Variants in PEX26 observed in about 807,000 individuals in gnomAD.
PEX26 encodes the protein peroxisome assembly protein 26.
In PEX26, 18 loss-of-function variants were observed where a neutral mutation model predicts 31.4. That is an observed-to-expected ratio of 0.57 (90% CI 0.40 to 0.85). The LOEUF is 0.85. PEX26 is among the 40% of genes least tolerant of loss of function. The pLI is 0.00. For synonymous variants in PEX26, 176 were observed against 166.9 expected (o/e 1.05, Z -0.42); for missense variants, 377 against 383.9 (o/e 0.98, Z 0.15).
At chr22:18,079,216 C>T (rs975127516) in intron 1 of PEX26, 39 of 985,188 alleles carry the variant, frequency 4.0e-5, no homozygotes, top group Non-Finnish European at 4.7e-5. Flanking sequence ...AAACCTTGGG[C>T]TTGCATTGCT....
At position 18,085,239 on chromosome 22, in the gene PEX26, G is replaced by A. The variant is rs904472324; in HGVS notation, c.795G>A (p.Leu265=). Residue 265 remains leucine, a synonymous_variant, in exon 4 of 5, where the codon CTG becomes CTA. Coordinates refer to ENST00000399744, the MANE Select transcript of PEX26 (RefSeq NM_001127649.3). ...TGGCTGCCTTGATCCTCTGTCTCCTGGTGGTGAGATTTGATCCAGGTAAGA... is the reference window on the plus strand; with the variant it reads ...TGGCTGCCTTGATCCTCTGTCTCCTAGTGGTGAGATTTGATCCAGGTAAGA... ...SLLAALILCL[L]VVRFDPASPS... is the part of the protein sequence containing the mutation. 1 of 1,614,120 alleles carries A rather than the reference G, an allele frequency of 6.2e-7. No individual in the cohort carries two copies. Among genetic ancestry groups the A allele is most frequent in the African/African-American group, 1.3e-5 (1 of 75,028 alleles).
rs150237708 is a variant in PEX26 at position 18,096,046 on chromosome 22, C to T, written c.*7971C>T. On this transcript the variant is annotated 3_prime_UTR_variant, in exon 5 of 5. Transcript: ENST00000399744. The stretch of plus-strand genomic sequence containing the variant: ...CCATGTTGGCCAGGCTGGTCTTGAA[C>T]TCTTGACCTCAAGTGATCTGCATGC... 20 of 152,358 alleles carry T rather than the reference C, an allele frequency of 1.3e-4. No homozygotes were observed. Among genetic ancestry groups the T allele is most frequent in the African/African-American group, 4.8e-4 (20 of 41,570 alleles). 9.4% of individuals were successfully genotyped at this position (152,358 alleles called of 1,614,324 possible). A position where few individuals can be genotyped will look rare whatever the true frequency, so the allele number is the denominator to read the frequency against.
Position 18,097,603 on chromosome 22 carries a change from T to C in PEX26, c.*9528T>C, listed in dbSNP as rs1474105830. 6.6e-6 allele frequency: 1 copy of C among 152,092 alleles called. No homozygotes were observed. The highest frequency in any genetic ancestry group is 1.5e-5 in the Non-Finnish European group (1 of 68,028). The allele number at this position is 152,092 out of a possible 1,614,324, so 9.4% of individuals were successfully genotyped here. ...AAATTTACTCTTCCAGAGGTAAATTTAATACACCAATACAAAACCAGTATG... is the reference window on the plus strand; with the variant it reads ...AAATTTACTCTTCCAGAGGTAAATTCAATACACCAATACAAAACCAGTATG... On this transcript the variant is annotated 3_prime_UTR_variant, in exon 5 of 5. Coordinates refer to ENST00000399744, the MANE Select transcript of PEX26 (RefSeq NM_001127649.3).
rs781370363 is a variant in PEX26 at position 18,083,558 on chromosome 22, C to A, written c.493C>A (p.Gln165Lys). 2 of 1,613,982 alleles carry A rather than the reference C, an allele frequency of 1.2e-6. No homozygotes were observed. Among genetic ancestry groups the A allele is most frequent in the Admixed American group, 3.3e-5 (2 of 60,000 alleles). ...EYGALAEFHV[Q>K]RVLLPLGCLS... ...TGGAGCCTTGGCAGAATTTCACGTG[C>A]AGCGGGTGCTGCTGCCTCTGGGCTG... Residue 165 changes from glutamine (Q) to lysine (K), a missense_variant, in exon 3 of 5, where the codon CAG (glutamine) becomes AAG (lysine). Coordinates refer to ENST00000399744, the MANE Select transcript of PEX26 (RefSeq NM_001127649.3).
At chr22:18,080,120 A>G in intron 2 of PEX26, 106 bp downstream of exon 2, 1 of 1,261,696 alleles carries the variant, frequency 7.9e-7, no homozygotes, top group Non-Finnish European at 1.1e-6. Flanking sequence ...TGCCCTCCAG[A>G]TCGGATTCTT....
rs1056977779 is a variant in PEX26 at position 18,091,361 on chromosome 22, G to A, written c.*3286G>A. On this transcript the variant is annotated 3_prime_UTR_variant, in exon 5 of 5. Transcript: ENST00000399744. Reference sequence around the variant, plus strand: ...AAAAAAACAATTCTCGGCTGGGCGCGGTGGCGCATGCCTGTAATCCCAGCA... The same window carrying A: ...AAAAAAACAATTCTCGGCTGGGCGCAGTGGCGCATGCCTGTAATCCCAGCA... The A allele has an allele frequency of 2.6e-5, 4 of 152,296 alleles. No individual in the cohort carries two copies. The highest frequency in any genetic ancestry group is 6.5e-5 in the Admixed American group (1 of 15,286). 9.4% of individuals were successfully genotyped at this position (152,296 alleles called of 1,614,324 possible). A position where few individuals can be genotyped will look rare whatever the true frequency, so the allele number is the denominator to read the frequency against.
At chr22:18,079,190 A>G (rs568848312) in intron 1 of PEX26, 2 of 985,086 alleles carry the variant, frequency 2.0e-6, no homozygotes, top group Non-Finnish European at 2.4e-6. Context: ...AGAAAAAGAA[A>G]AGAATCCGGA....
rs1465533170 is a variant in PEX26 at position 18,104,561 on chromosome 22, C to T, written c.*16486C>T. ...AGGTGGTTACCCATCTGTGACAGAG[C>T]CTTGGATGTCACGAGGCCACAGGCT... On this transcript the variant is annotated 3_prime_UTR_variant, in exon 5 of 5. Coordinates refer to ENST00000399744, the MANE Select transcript of PEX26 (RefSeq NM_001127649.3). 6.6e-6 allele frequency: 1 copy of T among 152,080 alleles called. No individual in the cohort carries two copies. The highest frequency in any genetic ancestry group is 1.5e-5 in the Non-Finnish European group (1 of 68,066). The allele number at this position is 152,080 out of a possible 1,614,324, so 9.4% of individuals were successfully genotyped here. A position where few individuals can be genotyped will look rare whatever the true frequency, so the allele number is the denominator to read the frequency against.
chr22:18,081,243 T>TACACACACACAC (rs1221829469), intron 2 of PEX26, among the ~76,000 whole-genome samples: 1,170 of 62,368 alleles, frequency 0.019, 11 homozygotes, highest in East Asian at 0.058. Flanking sequence ...TATGTACACA[T>TACACACACACAC]ATACACACAC....
At chr22:18,083,939 G>A (rs941349168) in intron 3 of PEX26, among the ~76,000 whole-genome samples, 1 of 152,198 alleles carries the variant, frequency 6.6e-6, no homozygotes, top group South Asian at 2.1e-4. Flanking sequence ...ATCTCCACAT[G>A]GGAAGGTGTT....
At position 18,080,996 on chromosome 22, in the gene PEX26, C is replaced by CT. The variant is rs1028377315; in HGVS notation, c.371+996dup. On this transcript the variant is annotated intron_variant, in intron 2 of 4. Coordinates refer to ENST00000399744, the MANE Select transcript of PEX26 (RefSeq NM_001127649.3). ...CTACCGTCTGCTTCTATGATATCAACTTTTTTTTTTTTTTAAAGATTCACA... is the reference window on the plus strand; with the variant it reads ...CTACCGTCTGCTTCTATGATATCAACTTTTTTTTTTTTTTTAAAGATTCACA... Among the ~76,000 whole-genome samples the CT allele has an allele frequency of 6.5e-3, 930 of 143,728 alleles. 4 individuals are homozygous for CT. Among genetic ancestry groups the CT allele is most frequent in the African/African-American group, 0.016 (646 of 39,490 alleles). The allele number at this position is 143,728 out of a possible 152,430, so 94.3% of individuals were successfully genotyped here.
rs398124339 is a variant in PEX26 at position 18,085,113 on chromosome 22, C to A, written c.669C>A (p.Gly223=). 2.5e-6 allele frequency: 4 copies of A among 1,613,944 alleles called. No homozygotes were observed. In the African/African-American group the frequency reaches 4.0e-5, roughly 16 times the overall value. The part of the protein sequence containing the change: ...SEEAQKPNLE[G]SVSHKFLSLP... ...GCTGTGCTCTGTCTCCCTGGCCAGG[C>A]TCTGTCTCCCACAAGTTCCTGTCAC... is the stretch of plus-strand genomic sequence containing the variant. The change falls in exon 4 of 5, where the codon GGC becomes GGA. Residue 223 remains glycine, a splice_region_variant and synonymous_variant. Transcript: ENST00000399744.
intron 3 of PEX26, among the ~76,000 whole-genome samples, chr22:18,084,345 C>T (rs538479686): frequency 2.6e-5 from 4 of 151,660 alleles, no homozygotes; most frequent in South Asian, 2.1e-4. Context: ...CTCAGGTTCA[C>T]GCCATTCTCC....
chr22:18,089,169 C>T lies in PEX26; in HGVS notation c.*1094C>T, dbSNP rs1283375588. ...TGTTTCACCAGGTTCTGCCTGTATC[C>T]TTGCCTCCTTGGTACACACCATTTC... On this transcript the variant is annotated 3_prime_UTR_variant, in exon 5 of 5. Coordinates refer to ENST00000399744, the MANE Select transcript of PEX26 (RefSeq NM_001127649.3). 2 of 153,156 alleles carry T rather than the reference C, an allele frequency of 1.3e-5. No individual in the cohort carries two copies. The highest frequency in any genetic ancestry group is 3.8e-4 in the East Asian group (2 of 5,196). 9.5% of individuals were successfully genotyped at this position (153,156 alleles called of 1,614,324 possible). A position where few individuals can be genotyped will look rare whatever the true frequency, so the allele number is the denominator to read the frequency against.
rs1420186500 is a variant in PEX26, at chr22:18,102,797, G to A, written c.*14722G>A. The A allele has an allele frequency of 6.6e-6, 1 of 152,030 alleles. No homozygotes were observed. The highest frequency in any genetic ancestry group is 1.9e-4 in the East Asian group (1 of 5,190). 9.4% of individuals were successfully genotyped at this position (152,030 alleles called of 1,614,324 possible). On this transcript the variant is annotated 3_prime_UTR_variant, in exon 5 of 5. Coordinates refer to ENST00000399744, the MANE Select transcript of PEX26 (RefSeq NM_001127649.3). ...CAAGTAAATACATTTATTAAAAATA[G>A]GCATGTAGCCGGGCGCAGTGGCTCA...
At position 18,090,426 on chromosome 22, in the gene PEX26, A is replaced by G. The variant is rs1249759239; in HGVS notation, c.*2351A>G. 1 of 152,208 alleles carries G rather than the reference A, an allele frequency of 6.6e-6. No individual in the cohort carries two copies. Among genetic ancestry groups the G allele is most frequent in the Non-Finnish European group, 1.5e-5 (1 of 68,074 alleles). 9.4% of individuals were successfully genotyped at this position (152,208 alleles called of 1,614,324 possible). ...CCTTGGCCTCTGTGCCTTGGCTCGC[A>G]CTGTTCCTACTGAAGGCCTAGCACC... On this transcript the variant is annotated 3_prime_UTR_variant, in exon 5 of 5. Coordinates refer to ENST00000399744, the MANE Select transcript of PEX26 (RefSeq NM_001127649.3).
Position 18,078,240 on chromosome 22 carries a change from A to C in PEX26, c.-137A>C. Reference sequence around the variant, plus strand: ...GCCCCTTCCTTTTCCTTCTCGGGGAATCGACCTCGGGAAGGGGTGTGGGCA... The same window carrying C: ...GCCCCTTCCTTTTCCTTCTCGGGGACTCGACCTCGGGAAGGGGTGTGGGCA... On this transcript the variant is annotated 5_prime_UTR_variant, in exon 1 of 5. Coordinates refer to ENST00000399744, the MANE Select transcript of PEX26 (RefSeq NM_001127649.3). 1.4e-6 allele frequency: 1 copy of C among 733,870 alleles called. No individual in the cohort carries two copies. The highest frequency in any genetic ancestry group is 2.4e-6 in the Non-Finnish European group (1 of 414,676). 45.5% of individuals were successfully genotyped at this position (733,870 alleles called of 1,614,324 possible).
At chr22:18,078,806 G>A in intron 1 of PEX26, 200 bp downstream of exon 1, 1 of 705,330 alleles carries the variant, frequency 1.4e-6, no homozygotes, top group Non-Finnish European at 2.6e-6. Context: ...AAACTTAGTG[G>A]GGATCCCACA....
rs1425394912 is a variant in PEX26, at chr22:18,085,147, T to C, written c.703T>C (p.Leu235=). The change falls in exon 4 of 5, where the codon TTG becomes CTG. Residue 235 remains leucine, a synonymous_variant. Coordinates refer to ENST00000399744, the MANE Select transcript of PEX26 (RefSeq NM_001127649.3). ...VSHKFLSLPM[L]VRQLWDSAVS... is the part of the protein sequence containing the mutation. ...CCACAAGTTCCTGTCACTACCGATG[T>C]TGGTTCGCCAGCTTTGGGACTCTGC... 1 of 1,614,140 alleles carries C rather than the reference T, an allele frequency of 6.2e-7. No homozygotes were observed. The highest frequency in any genetic ancestry group is 8.5e-7 in the Non-Finnish European group (1 of 1,180,022).
Sources: allele counts gnomAD v4.1 joint callset (sites outside exome capture counted in the v4.1 genomes callset), GRCh38; gene constraint gnomAD v4.1.1; transcripts MANE v1.5; gene names NCBI Gene and HGNC (gene_info 2026-07-23, HGNC 2026-07-21).